Variants in STK32B observed in about 807,000 individuals in gnomAD.
The protein encoded by STK32B is serine/threonine kinase 32B.
In STK32B, 43 loss-of-function variants were observed where a neutral mutation model predicts 52.6. The ratio of observed to expected loss-of-function variants is 0.82; its 90% CI spans 0.64 to 1.05. STK32B has a LOEUF of 1.05. Among genes scored for constraint, STK32B ranks in the 50% least tolerant of loss-of-function variants. The pLI, the probability that STK32B is intolerant of heterozygous loss-of-function variation, is 0.00. For missense variants in STK32B, 621 were observed against 534.6 expected (o/e 1.16, Z -1.59); for synonymous variants, 238 against 204.3 (o/e 1.17, Z -1.41).
intron 3 of STK32B, among the ~76,000 whole-genome samples, chr4:5,296,612 T>A (rs747715310): frequency 6.6e-6 from 1 of 152,210 alleles, no homozygotes. Context: ...TTCCATTTGC[T>A]TGGTGAATAT....
chr4:5,044,012 A>G, the STK32B span, among the ~76,000 whole-genome samples: 1 of 152,144 alleles, frequency 6.6e-6, no homozygotes, highest in Non-Finnish European at 1.5e-5. Flanking sequence ...CATGGCCAAT[A>G]ACAAACACGC....
chr4:5,087,153 A>G (rs1712777091), intron 1 of STK32B, among the ~76,000 whole-genome samples: 1 of 152,166 alleles, frequency 6.6e-6, no homozygotes, highest in Non-Finnish European at 1.5e-5. Flanking sequence ...ATATGTGGTA[A>G]AAACAGCATA....
At chr4:5,042,514 T>C in the STK32B span, among the ~76,000 whole-genome samples, 3 of 152,228 alleles carry the variant, frequency 2.0e-5, no homozygotes, top group South Asian at 6.2e-4. Context: ...AGAAGGAATG[T>C]ACTTACTTCA....
chr4:5,433,143 C>T (rs988947371), intron 6 of STK32B, among the ~76,000 whole-genome samples: 3 of 151,408 alleles, frequency 2.0e-5, no homozygotes, highest in African/African-American at 7.3e-5. Flanking sequence ...TGAGACCAGA[C>T]AGAGATGAAA....
chr4:5,248,428 T>A (rs1725622027), intron 3 of STK32B, among the ~76,000 whole-genome samples: 1 of 152,204 alleles, frequency 6.6e-6, no homozygotes, highest in African/African-American at 2.4e-5. Flanking sequence ...AGATGTTCAT[T>A]ATTTTGCTAA....
intron 3 of STK32B, among the ~76,000 whole-genome samples, chr4:5,325,118 C>T (rs1731788095): frequency 6.6e-6 from 1 of 152,152 alleles, no homozygotes; most frequent in African/African-American, 2.4e-5. Context: ...TGTGGCATTG[C>T]TTCTATGAAA....
chr4:5,388,573 C>G (rs1736403997), intron 4 of STK32B, among the ~76,000 whole-genome samples: 1 of 152,182 alleles, frequency 6.6e-6, no homozygotes, highest in African/African-American at 2.4e-5. Flanking sequence ...TTTCCATATG[C>G]TACTACCATG....
the STK32B span, among the ~76,000 whole-genome samples, chr4:5,036,597 G>T: frequency 0.99 from 149,971 of 151,416 alleles, 74,294 homozygotes; most frequent in Middle Eastern, 1. Flanking sequence ...AGGCAAAAGC[G>T]TCCAAAATTC....
chr4:5,104,420 A>G (rs796373594), intron 1 of STK32B, among the ~76,000 whole-genome samples: 43 of 152,328 alleles, frequency 2.8e-4, no homozygotes, highest in African/African-American at 9.9e-4. Flanking sequence ...AGGTGTCTTT[A>G]TTAGCAGCAT....
At chr4:5,318,187 C>T (rs1218692393) in intron 3 of STK32B, among the ~76,000 whole-genome samples, 9 of 152,008 alleles carry the variant, frequency 5.9e-5, no homozygotes, top group Non-Finnish European at 1.2e-4. Flanking sequence ...CACAACAAAA[C>T]AGGTGAGTAA....
chr4:5,418,836 G>A (rs890057004), intron 6 of STK32B, among the ~76,000 whole-genome samples: 10 of 152,200 alleles, frequency 6.6e-5, no homozygotes, highest in Non-Finnish European at 1.2e-4. Context: ...GCCTAAAACC[G>A]CCTGGAGGAG....
At chr4:5,346,675 A>G (rs1333752291) in intron 4 of STK32B, among the ~76,000 whole-genome samples, 1 of 152,196 alleles carries the variant, frequency 6.6e-6, no homozygotes, top group Non-Finnish European at 1.5e-5. Context: ...TGCTCTGGAC[A>G]TGATTTTGCT....
At chr4:5,317,102 A>AATATATTATATATTAT (rs1731022383) in intron 3 of STK32B, among the ~76,000 whole-genome samples, 2 of 37,452 alleles carry the variant, frequency 5.3e-5, no homozygotes, top group South Asian at 1.5e-3. Flanking sequence ...TATATGATAT[A>AATATATTATATATTAT]ATATATAATA....
At chr4:5,045,853 C>T in the STK32B span, among the ~76,000 whole-genome samples, 633 of 152,252 alleles carry the variant, frequency 4.2e-3, 5 homozygotes, top group Admixed American at 6.5e-3. Context: ...CATCTGCAAG[C>T]AGAGACAATT....
intron 2 of STK32B, among the ~76,000 whole-genome samples, chr4:5,144,521 C>T (rs1341722469): frequency 1.3e-5 from 2 of 152,110 alleles, no homozygotes; most frequent in Non-Finnish European, 2.9e-5. Context: ...CTGGGACAGG[C>T]AGGGCTGTTG....
At chr4:5,046,170 A>G in the STK32B span, among the ~76,000 whole-genome samples, 2 of 152,224 alleles carry the variant, frequency 1.3e-5, no homozygotes, top group Non-Finnish European at 2.9e-5. Flanking sequence ...ACAGACATAT[A>G]GATATCAGTG....
intron 3 of STK32B, among the ~76,000 whole-genome samples, chr4:5,237,140 A>C (rs1357169749): frequency 6.6e-6 from 1 of 152,172 alleles, no homozygotes; most frequent in Non-Finnish European, 1.5e-5. Flanking sequence ...AGCTGGAATT[A>C]AGGCTAAAGT....
chr4:5,134,464 A>G (rs1024455327), intron 1 of STK32B, among the ~76,000 whole-genome samples: 2 of 152,282 alleles, frequency 1.3e-5, no homozygotes, highest in African/African-American at 2.4e-5. Context: ...GAAGGCCCTC[A>G]TCAGATGCCA....
chr4:5,047,038 CAT>C (rs1224841695), upstream of STK32B, among the ~76,000 whole-genome samples: 3 of 152,110 alleles, frequency 2.0e-5, no homozygotes, highest in Admixed American at 2.0e-4. Context: ...CACATGCACA[CAT>C]ATGTTTACTG....
Sources: allele counts gnomAD v4.1 joint callset (sites outside exome capture counted in the v4.1 genomes callset), GRCh38; gene constraint gnomAD v4.1.1; transcripts MANE v1.5; gene names NCBI Gene and HGNC (gene_info 2026-07-23, HGNC 2026-07-21).